The following DDAH1 variants were observed in gnomAD, a reference collection of about 807,000 sequenced individuals.
The protein encoded by DDAH1 is N(G),N(G)-dimethylarginine dimethylaminohydrolase 1.
A neutral mutation model predicts 28.8 loss-of-function variants in DDAH1; 19 were observed. That is an observed-to-expected ratio of 0.66 (90% CI 0.46 to 0.97). The LOEUF is 0.97. Ranked by LOEUF, DDAH1 falls within the 50% of genes least tolerant of loss-of-function variation. DDAH1 has a pLI of 0.00. For missense variants in DDAH1, 326 were observed against 375.9 expected (o/e 0.87, Z 1.10); for synonymous variants, 153 against 154.4 (o/e 0.99, Z 0.07).
intron 1 of DDAH1, among the ~76,000 whole-genome samples, chr1:85,556,363 T>C (rs894098766): frequency 2.0e-5 from 3 of 152,186 alleles, no homozygotes; most frequent in Non-Finnish European, 4.4e-5. Context: ...CTAGGATTAA[T>C]GTATGAGGTA....
chr1:85,358,311 T>C (rs1336301238), intron 2 of DDAH1, among the ~76,000 whole-genome samples: 1 of 152,224 alleles, frequency 6.6e-6, no homozygotes, highest in Non-Finnish European at 1.5e-5. Context: ...TTTCCTGTAT[T>C]TTCCAATTTC....
chr1:85,497,732 A>G (rs1371476853), intron 1 of DDAH1, among the ~76,000 whole-genome samples: 1 of 152,206 alleles, frequency 6.6e-6, no homozygotes, highest in Non-Finnish European at 1.5e-5. Context: ...ATTTAAGGCA[A>G]TCTGTTCTCT....
At chr1:85,543,150 G>A (rs1658521561) in intron 1 of DDAH1, among the ~76,000 whole-genome samples, 1 of 152,178 alleles carries the variant, frequency 6.6e-6, no homozygotes, top group Non-Finnish European at 1.5e-5. Context: ...CAAGGAGCCA[G>A]GAGGTATAAC....
At chr1:85,361,495 G>A (rs1649793278) in intron 1 of DDAH1, among the ~76,000 whole-genome samples, 2 of 152,200 alleles carry the variant, frequency 1.3e-5, no homozygotes, top group African/African-American at 4.8e-5. Flanking sequence ...AATTCCAACG[G>A]CTGAGCTGAA....
chr1:85,342,220 G>A (rs1181328198), intron 4 of DDAH1, among the ~76,000 whole-genome samples: 1 of 152,134 alleles, frequency 6.6e-6, no homozygotes, highest in African/African-American at 2.4e-5. Context: ...GGGCATTTTG[G>A]CCCTGTAGGC....
intron 1 of DDAH1, among the ~76,000 whole-genome samples, chr1:85,570,832 G>C (rs867488412): frequency 5.3e-5 from 8 of 151,942 alleles, no homozygotes; most frequent in Non-Finnish European, 8.8e-5. Context: ...AAAGTGCTAA[G>C]GAATGTGTAA....
At chr1:85,387,326 A>G (rs190979127) in intron 1 of DDAH1, among the ~76,000 whole-genome samples, 1 of 152,256 alleles carries the variant, frequency 6.6e-6, no homozygotes, top group Admixed American at 6.5e-5. Context: ...TTGCTCCCAT[A>G]TCTGATTATA....
chr1:85,344,406 G>T (rs1285727536), intron 4 of DDAH1, among the ~76,000 whole-genome samples: 5 of 152,168 alleles, frequency 3.3e-5, no homozygotes, highest in Non-Finnish European at 7.3e-5. Flanking sequence ...AGGTGAGGAT[G>T]CTCCTCCTGC....
intron 2 of DDAH1, among the ~76,000 whole-genome samples, chr1:85,489,191 C>T (rs1436318897): frequency 6.6e-6 from 1 of 152,078 alleles, no homozygotes; most frequent in East Asian, 1.9e-4. Flanking sequence ...AGGGAAAGAA[C>T]TAAGGAACAA....
rs1053476578 is a variant in DDAH1 at position 85,452,987 on chromosome 1, A to ATG, written c.303+11754_303+11755dup. Among the ~76,000 whole-genome samples, 23 of 152,078 alleles carry ATG rather than the reference A, an allele frequency of 1.5e-4. No individual in the cohort carries two copies. The East Asian group carries it at 2.1e-3, about 14-fold the overall frequency. ...AAACTGATTTTATCCAAACCTGTGT[A>ATG]TGTGTGTGTGTGTATGTTATAAAAA... is the stretch of plus-strand genomic sequence containing the variant. On this transcript the variant is annotated intron_variant, in intron 1 of 5. Transcript: ENST00000284031.
intron 2 of DDAH1, among the ~76,000 whole-genome samples, chr1:85,479,811 GC>G (rs1209920655): frequency 6.6e-6 from 1 of 152,160 alleles, no homozygotes; most frequent in Non-Finnish European, 1.5e-5. Context: ...CATCTGTTTG[GC>G]CCTGCTTGGG....
chr1:85,539,115 A>G (rs1658387509), intron 1 of DDAH1, among the ~76,000 whole-genome samples: 1 of 152,022 alleles, frequency 6.6e-6, no homozygotes, highest in Non-Finnish European at 1.5e-5. Context: ...TCTTTCTCAG[A>G]ATGAAGTTAC....
At chr1:85,532,463 C>T (rs1380406955) in intron 1 of DDAH1, among the ~76,000 whole-genome samples, 3 of 152,176 alleles carry the variant, frequency 2.0e-5, no homozygotes, top group Non-Finnish European at 4.4e-5. Flanking sequence ...CAACACAAGT[C>T]ACCTTCAGTT....
chr1:85,575,931 G>A (rs1274442719), intron 1 of DDAH1: 1 of 152,106 alleles, frequency 6.6e-6, no homozygotes, highest in Non-Finnish European at 1.5e-5. Flanking sequence ...GGAGAGGGGA[G>A]GGATAGCATT....
rs1648647162 is a variant in DDAH1, at chr1:85,343,618, C to A, written c.597+6797G>T. 2.0e-5 allele frequency among the ~76,000 whole-genome samples: 3 copies of A among 152,222 alleles called. No individual in the cohort carries two copies. The South Asian group carries it at 6.2e-4, about 32-fold the overall frequency. On this transcript the variant is annotated intron_variant, in intron 4 of 5. Transcript: ENST00000284031. ...CAAAGTGGAAAATCTTGTGGCTACA[C>A]ACTATAATTCCCTGTGACAACAATA...
At position 85,545,794 on chromosome 1, in the gene DDAH1, AG is replaced by A. The variant is rs546062402; in HGVS notation, c.-123+32189del. On this transcript the variant is annotated intron_variant, in intron 1 of 6. Transcript: ENST00000426972. ...GAGGAGGAGGAGATGCAGAGGGAGGAGGGGGGAGAAGAAGAAACTGATCTTC... is the reference window on the plus strand; with the variant it reads ...GAGGAGGAGGAGATGCAGAGGGAGGAGGGGGAGAAGAAGAAACTGATCTTC... Among the ~76,000 whole-genome samples, 235 of 152,100 alleles carry A rather than the reference AG, an allele frequency of 1.5e-3. 1 individual carries two copies. The highest frequency in any genetic ancestry group is 2.6e-3 in the Non-Finnish European group (177 of 67,984).
chr1:85,366,096 G>GT (rs1179945148), intron 1 of DDAH1, among the ~76,000 whole-genome samples: 6 of 145,478 alleles, frequency 4.1e-5, no homozygotes, highest in Non-Finnish European at 7.5e-5. Flanking sequence ...CTGATAGCTG[G>GT]TAAAAAAAAA....
intron 1 of DDAH1, among the ~76,000 whole-genome samples, chr1:85,511,381 G>A (rs1285651957): frequency 1.3e-5 from 2 of 152,098 alleles, no homozygotes; most frequent in Admixed American, 6.5e-5. Context: ...AGCACTAAAC[G>A]TCCACTAGAG....
At chr1:85,551,460 C>G (rs1012294036) in intron 1 of DDAH1, among the ~76,000 whole-genome samples, 1 of 152,192 alleles carries the variant, frequency 6.6e-6, no homozygotes, top group African/African-American at 2.4e-5. Flanking sequence ...AGAATGGAAC[C>G]AACCCCTTGC....
Sources: allele counts gnomAD v4.1 joint callset (sites outside exome capture counted in the v4.1 genomes callset), GRCh38; gene constraint gnomAD v4.1.1; transcripts MANE v1.5; gene names NCBI Gene and HGNC (gene_info 2026-07-23, HGNC 2026-07-21).